DNAH17: variants seen among roughly 807,000 people sequenced by gnomAD.
DNAH17 encodes dynein axonemal heavy chain 17, also known as axonemal beta dynein heavy chain 17.
Under a neutral mutation model 485.6 loss-of-function variants are expected in DNAH17, and 376 were observed. That is an observed-to-expected ratio of 0.77 (90% confidence interval 0.71 to 0.84). The LOEUF is 0.84. Ranked by LOEUF, DNAH17 falls within the 40% of genes least tolerant of loss-of-function variation. The pLI, the probability that DNAH17 is intolerant of heterozygous loss-of-function variation, is 0.00. For missense variants in DNAH17, 6,370 were observed against 5,839.3 expected (o/e 1.09, Z -2.96); for synonymous variants, 3,031 against 2,405.9 (o/e 1.26, Z -7.60).
chr17:78,455,288 G>A (rs1397274228), intron 63 of DNAH17, among the ~76,000 whole-genome samples: 1 of 151,762 alleles, frequency 6.6e-6, no homozygotes. Context: ...GTTCTGCCCT[G>A]CTGGGACCTC....
In DNAH17 at chr17:78,514,993, G is replaced by T; in HGVS notation, c.3894C>A (p.Thr1298=). ...VVNTSIEDWK[T]TKWKDINVEQ... ...CAACGTTGATATCTTTCCACTTGGT[G>T]GTCTTCCAGTCCTCGATGCTGGTAT... Residue 1298 remains threonine (T), a synonymous_variant, in exon 26 of 81, where the codon ACC becomes ACA. Coordinates refer to ENST00000389840, the MANE Select transcript of DNAH17 (RefSeq NM_173628.4). 1 of 1,613,992 alleles carries T rather than the reference G, an allele frequency of 6.2e-7. No homozygotes were observed. The highest frequency in any genetic ancestry group is 1.1e-5 in the South Asian group (1 of 91,078).
chr17:78,483,716 G>A (rs981314380), intron 48 of DNAH17, among the ~76,000 whole-genome samples: 1 of 152,124 alleles, frequency 6.6e-6, no homozygotes, highest in Non-Finnish European at 1.5e-5. Flanking sequence ...AACCCCCCAT[G>A]CCTGCCTTTC....
intron 51 of DNAH17, 118 bp from the exon 52 acceptor site, chr17:78,476,851 G>A: frequency 8.0e-7 from 1 of 1,245,064 alleles, no homozygotes; most frequent in East Asian, 2.6e-5. Context: ...CTGTTCAGCT[G>A]TTGGCACAGC....
At position 78,466,451 on chromosome 17, in the gene DNAH17, TA is replaced by T. The variant is rs910731168; in HGVS notation, c.8940+203del. Among the ~76,000 whole-genome samples the T allele has an allele frequency of 8.0e-4, 121 of 150,760 alleles. 2 individuals carry two copies. The highest frequency in any genetic ancestry group is 5.9e-3 in the South Asian group (28 of 4,782). On this transcript the variant is annotated intron_variant, in intron 56 of 80. Coordinates refer to ENST00000389840, the MANE Select transcript of DNAH17 (RefSeq NM_173628.4). ...AATTATCAATAAAAAATAAATAAATTAAAAAAAAATAAAAAATAAAAAATAA... is the reference window on the plus strand; with the variant it reads ...AATTATCAATAAAAAATAAATAAATTAAAAAAAATAAAAAATAAAAAATAA...
At chr17:78,563,561 G>A (rs551978447) in intron 11 of DNAH17, among the ~76,000 whole-genome samples, 17 of 152,074 alleles carry the variant, frequency 1.1e-4, no homozygotes, top group African/African-American at 1.7e-4. Context: ...GGGCCGAGGC[G>A]GGAGGCATTT....
At chr17:78,497,776 C>T (rs1429572537) in intron 37 of DNAH17, among the ~76,000 whole-genome samples, 1 of 152,226 alleles carries the variant, frequency 6.6e-6, no homozygotes, top group African/African-American at 2.4e-5. Flanking sequence ...CACCGCCTTA[C>T]AGGTTAGAAG....
At position 78,569,215 on chromosome 17, in the gene DNAH17, AGAG is replaced by A. The variant is rs753684779; in HGVS notation, c.1232_1234del (p.Ser411_Leu412delinsPhe). ...GAAGGAATTTATCCTGGAAAAGGCA[AGAG>A]AAGAAGGGAATTCCCAAGGCACGGG... On this transcript the variant is annotated inframe_deletion, in exon 9 of 81. Coordinates refer to ENST00000389840, the MANE Select transcript of DNAH17 (RefSeq NM_173628.4). 9.9e-6 allele frequency: 16 copies of A among 1,609,634 alleles called. No homozygotes were observed. The highest frequency in any genetic ancestry group is 1.3e-5 in the Non-Finnish European group (15 of 1,178,024).
intron 37 of DNAH17, 45 bp from the exon 38 acceptor site, chr17:78,496,077 C>A: frequency 6.3e-7 from 1 of 1,587,964 alleles, no homozygotes; most frequent in Admixed American, 1.7e-5. Flanking sequence ...AAATGGCCAG[C>A]TTCCACACAC....
At chr17:78,437,911 C>T (rs772662579) in intron 73 of DNAH17, 43 bp from the exon 74 acceptor site, 3 of 1,490,586 alleles carry the variant, frequency 2.0e-6, no homozygotes, top group South Asian at 2.4e-5. Context: ...TTGCCCAGCT[C>T]CTGGCCCACG....
intron 25 of DNAH17, among the ~76,000 whole-genome samples, chr17:78,519,593 A>T (rs924847510): frequency 3.3e-5 from 5 of 152,254 alleles, no homozygotes; most frequent in African/African-American, 4.8e-5. Context: ...CTAGGAATGA[A>T]ATAGAAGATA....
At position 78,475,379 on chromosome 17, in the gene DNAH17, C is replaced by T. The variant is rs746913467; in HGVS notation, c.8410G>A (p.Gly2804Ser). ...RGNALLVGVG[G>S]SGKQSLSRLA... ...CGGGAGAGGCTCTGTTTGCCACTGCCGCCCACCCCCACCAGCAGGGCATTC... is the reference window on the plus strand; with the variant it reads ...CGGGAGAGGCTCTGTTTGCCACTGCTGCCCACCCCCACCAGCAGGGCATTC... The change falls in exon 54 of 81, where the codon GGC becomes AGC. Residue 2804 changes from glycine (G) to serine (S), a missense_variant. Coordinates refer to ENST00000389840, the MANE Select transcript of DNAH17 (RefSeq NM_173628.4). 71 of 1,613,838 alleles carry T rather than the reference C, an allele frequency of 4.4e-5. No homozygotes were observed. The highest frequency in any genetic ancestry group is 5.0e-5 in the Non-Finnish European group (59 of 1,179,910).
chr17:78,431,019 T>G (rs576159544), intron 75 of DNAH17, among the ~76,000 whole-genome samples: 1 of 146,456 alleles, frequency 6.8e-6, no homozygotes, highest in East Asian at 1.9e-4. Flanking sequence ...TAGCTGGGCC[T>G]ACAGTCACAC....
At chr17:78,531,613 C>G (rs925863805) in intron 20 of DNAH17, among the ~76,000 whole-genome samples, 4 of 152,202 alleles carry the variant, frequency 2.6e-5, no homozygotes, top group Non-Finnish European at 4.4e-5. Context: ...GCTGGTATCA[C>G]AGGCGTGAGC....
chr17:78,510,396 C>T lies in DNAH17; in HGVS notation c.4224G>A (p.Ser1408=), dbSNP rs747294618. 8 of 1,612,614 alleles carry T rather than the reference C, an allele frequency of 5.0e-6. No homozygotes were observed. Among genetic ancestry groups the T allele is most frequent in the Middle Eastern group, 1.8e-4 (1 of 5,458 alleles). ...RNIVDKAVKE[S]GMEKVLKALD... is the part of the protein sequence containing the mutation. Reference sequence around the variant, plus strand: ...CAGCACGGCCTACCTTTTCCATGCCCGACTCCTTCACGGCCTTGTCCACGA... The same window carrying T: ...CAGCACGGCCTACCTTTTCCATGCCTGACTCCTTCACGGCCTTGTCCACGA... Residue 1408 remains serine, a synonymous_variant, in exon 27 of 81, where the codon TCG becomes TCA. Transcript: ENST00000389840.
chr17:78,449,329 C>A (rs1458582799), intron 69 of DNAH17, 85 bp downstream of exon 69: 3 of 1,410,862 alleles, frequency 2.1e-6, no homozygotes, highest in Non-Finnish European at 2.9e-6. Context: ...GGGGGCCCAA[C>A]AATCTGCCTT....
chr17:78,460,076 T>C (rs1254163577), intron 59 of DNAH17, 75 bp from the exon 60 acceptor site: 7 of 1,591,792 alleles, frequency 4.4e-6, no homozygotes, highest in Non-Finnish European at 5.1e-6. Flanking sequence ...GAAGCCGCCA[T>C]GAGTGTGTCA....
chr17:78,462,845 T>C lies in DNAH17; in HGVS notation c.9173A>G (p.Gln3058Arg). 7 of 1,613,862 alleles carry C rather than the reference T, an allele frequency of 4.3e-6. No individual in the cohort carries two copies. Among genetic ancestry groups the C allele is most frequent in the Non-Finnish European group, 5.9e-6 (7 of 1,179,828 alleles). Residue 3058 changes from glutamine (Q) to arginine (R), a missense_variant and splice_region_variant, in exon 57 of 81, where the codon CAG (glutamine) becomes CGG (arginine). Gln to Arg is a conservative substitution (Grantham distance 43). Coordinates refer to ENST00000389840, the MANE Select transcript of DNAH17 (RefSeq NM_173628.4). ...GLMKLQSTAS[Q>R]VDDLKAKLAI... ...TGGCAGCCAGCCCCCCTCTCCTACCTGGGAAGCCGTGCTCTGCAGCTTCAT... is the reference window on the plus strand; with the variant it reads ...TGGCAGCCAGCCCCCCTCTCCTACCCGGGAAGCCGTGCTCTGCAGCTTCAT...
chr17:78,463,789 C>T (rs565480597), intron 56 of DNAH17, among the ~76,000 whole-genome samples: 1 of 152,328 alleles, frequency 6.6e-6, no homozygotes, highest in African/African-American at 2.4e-5. Context: ...AGCTTTGCCC[C>T]AGAAATTGTC....
In DNAH17 at chr17:78,459,581, CCTCT is replaced by C. The variant is rs535642525; in HGVS notation, c.9653+199_9653+202del. 4.0e-3 allele frequency among the ~76,000 whole-genome samples: 603 copies of C among 152,346 alleles called. 3 individuals are homozygous for C. Among genetic ancestry groups the C allele is most frequent in the African/African-American group, 0.014 (585 of 41,578 alleles). On this transcript the variant is annotated intron_variant, in intron 60 of 80. Transcript: ENST00000389840. ...GCTGACCTCTGTGGGGCCTGGCTGG[CCTCT>C]CTCTCAGACCTGTAGCCTGAAGGTT...
Sources: gnomAD v4.1 joint callset for allele counts (sites outside exome capture counted in the v4.1 genomes callset) on GRCh38, gnomAD v4.1.1 for gene constraint, MANE v1.5 for transcripts, NCBI Gene and HGNC (gene_info 2026-07-23, HGNC 2026-07-21) for gene names.